PALLD: variants seen among roughly 807,000 people sequenced by gnomAD.
The protein encoded by PALLD is palladin, cytoskeletal associated protein.
Under a neutral mutation model 123.5 loss-of-function variants are expected in PALLD, and 61 were observed. The ratio of observed to expected loss-of-function variants is 0.49; its 90% confidence interval spans 0.40 to 0.61. PALLD has a LOEUF of 0.61. Ranked by LOEUF, PALLD falls within the 20% of genes least tolerant of loss-of-function variation. The pLI, the probability that PALLD is intolerant of heterozygous loss-of-function variation, is 0.00. For missense variants in PALLD, 1,273 were observed against 1,377.0 expected (o/e 0.92, Z 1.20); for synonymous variants, 465 against 496.4 (o/e 0.94, Z 0.84).
intron 10 of PALLD, among the ~76,000 whole-genome samples, chr4:168,783,046 ATGTGTGTGTGTGTG>A (rs150595576): frequency 7.7e-4 from 90 of 116,170 alleles, no homozygotes; most frequent in African/African-American, 2.4e-3. Flanking sequence ...TTATATATAT[ATGTGTGTGTGTGTG>A]TGTGTGTGTG....
intron 2 of PALLD, among the ~76,000 whole-genome samples, chr4:168,634,548 C>T (rs1473266584): frequency 1.3e-5 from 2 of 152,294 alleles, no homozygotes; most frequent in East Asian, 1.9e-4. Context: ...GCTATCTCAG[C>T]GCAGAACCTT....
At chr4:168,537,901 A>G (rs1765240435) in intron 2 of PALLD, 1 of 152,246 alleles carries the variant, frequency 6.6e-6, no homozygotes, top group Admixed American at 6.5e-5. Context: ...CCAGTTCAAC[A>G]TATTTGGTGC....
chr4:168,875,850 C>A (rs1751677119), intron 10 of PALLD, among the ~76,000 whole-genome samples: 1 of 152,222 alleles, frequency 6.6e-6, no homozygotes, highest in South Asian at 2.1e-4. Flanking sequence ...AATACTGGCT[C>A]TCAAGAGTCA....
intron 2 of PALLD, among the ~76,000 whole-genome samples, chr4:168,566,037 A>G (rs1297210564): frequency 6.6e-6 from 1 of 152,146 alleles, no homozygotes; most frequent in Non-Finnish European, 1.5e-5. Context: ...ACTATTGGTT[A>G]TAATAGTGCA....
In PALLD at chr4:168,673,220, C is replaced by T. The variant is rs74560079; in HGVS notation, c.1087+4852C>T. Among the ~76,000 whole-genome samples, 23 of 152,298 alleles carry T rather than the reference C, an allele frequency of 1.5e-4. No individual in the cohort carries two copies. In the East Asian group the frequency reaches 3.7e-3, roughly 24 times the overall value. On this transcript the variant is annotated intron_variant, in intron 3 of 21. Coordinates refer to ENST00000505667, the MANE Select transcript of PALLD (RefSeq NM_001166108.2). ...CACTCCAGAAGGGGGGCAGAGTAAC[C>T]CAGTAAACTCATAAGGCATTCCAGC...
intron 2 of PALLD, among the ~76,000 whole-genome samples, chr4:168,602,157 C>A (rs114390391): frequency 6.6e-6 from 1 of 152,134 alleles, no homozygotes; most frequent in African/African-American, 2.4e-5. Flanking sequence ...GGCAACTAAG[C>A]GTCAAAAACC....
In PALLD at chr4:168,589,818, C is replaced by G. The variant is rs141081805; in HGVS notation, c.908+77406C>G. ...TGGAAAGATTTAAACTCTTGAAGGT[C>G]TCTAAGGATTCCCAACTGCTTTTCC... On this transcript the variant is annotated intron_variant, in intron 2 of 21. Transcript: ENST00000505667. Among the ~76,000 whole-genome samples the G allele has an allele frequency of 8.5e-3, 1,297 of 152,294 alleles. 13 individuals carry two copies. The highest frequency in any genetic ancestry group is 0.012 in the Admixed American group (184 of 15,298).
chr4:168,531,777 C>T (rs1764625037), intron 2 of PALLD, among the ~76,000 whole-genome samples: 2 of 152,088 alleles, frequency 1.3e-5, no homozygotes, highest in African/African-American at 4.8e-5. Flanking sequence ...AAACAGCTGC[C>T]CTACAGAGGG....
intron 2 of PALLD, among the ~76,000 whole-genome samples, chr4:168,544,412 G>A (rs150660124): frequency 1.0e-3 from 156 of 152,324 alleles, no homozygotes; most frequent in African/African-American, 3.6e-3. Context: ...GGTAATTCTT[G>A]AGGTTAATGT....
intron 10 of PALLD, among the ~76,000 whole-genome samples, chr4:168,744,148 A>G (rs1788629635): frequency 6.6e-6 from 1 of 152,044 alleles, no homozygotes; most frequent in African/African-American, 2.4e-5. Context: ...CAGTCATAGG[A>G]TATTTCCCTC....
At chr4:168,832,320 A>T (rs1369998704) in intron 10 of PALLD, 2 of 536,238 alleles carry the variant, frequency 3.7e-6, no homozygotes, top group Non-Finnish European at 4.8e-6. Context: ...CGCACTTTCC[A>T]CCCGGCCGGT....
chr4:168,598,720 C>T, intron 2 of PALLD: 1 of 399,650 alleles, frequency 2.5e-6, no homozygotes, highest in Non-Finnish European at 5.1e-6. Flanking sequence ...TGTACCCTTG[C>T]CTCCTATCTG....
intron 10 of PALLD, among the ~76,000 whole-genome samples, chr4:168,810,287 G>A (rs913022007): frequency 2.0e-5 from 3 of 152,168 alleles, no homozygotes; most frequent in Admixed American, 6.5e-5. Context: ...CACCAAGCCA[G>A]GTCATTGAAA....
chr4:168,636,046 T>C (rs1776316571), intron 2 of PALLD, among the ~76,000 whole-genome samples: 1 of 152,208 alleles, frequency 6.6e-6, no homozygotes, highest in South Asian at 2.1e-4. Flanking sequence ...AAATATGACA[T>C]GTGATCATCA....
chr4:168,506,709 T>C (rs1431554415), intron 1 of PALLD, among the ~76,000 whole-genome samples: 2 of 152,234 alleles, frequency 1.3e-5, no homozygotes, highest in Non-Finnish European at 2.9e-5. Flanking sequence ...TCCTTCTTTC[T>C]ATGATCTTTT....
chr4:168,803,602 ACTGAG>A (rs1739683613), intron 10 of PALLD, among the ~76,000 whole-genome samples: 1 of 151,032 alleles, frequency 6.6e-6, no homozygotes, highest in Admixed American at 6.6e-5. Context: ...GGGAAGATGG[ACTGAG>A]CCTGGGATTC....
At chr4:168,693,054 C>T (rs746628361) in intron 8 of PALLD, among the ~76,000 whole-genome samples, 113 of 152,268 alleles carry the variant, frequency 7.4e-4, no homozygotes, top group Middle Eastern at 3.4e-3. Flanking sequence ...CCGCACCCTG[C>T]GTCTTCATCA....
intron 1 of PALLD, among the ~76,000 whole-genome samples, chr4:168,499,229 C>T (rs1234008408): frequency 2.4e-5 from 1 of 41,906 alleles, no homozygotes; most frequent in South Asian, 9.4e-4. Context: ...GAAAGGGAGA[C>T]GGGGAAGAAG....
At chr4:168,586,413 A>G (rs1176213460) in intron 2 of PALLD, among the ~76,000 whole-genome samples, 2 of 152,152 alleles carry the variant, frequency 1.3e-5, no homozygotes, top group Non-Finnish European at 2.9e-5. Context: ...TGCCCAGCAA[A>G]GTCCAGAATT....
Sources: gnomAD v4.1 joint callset for allele counts (sites outside exome capture counted in the v4.1 genomes callset) on GRCh38, gnomAD v4.1.1 for gene constraint, MANE v1.5 for transcripts, NCBI Gene and HGNC (gene_info 2026-07-23, HGNC 2026-07-21) for gene names.